Variants in USP12 observed in about 807,000 individuals in gnomAD.
USP12 encodes ubiquitin specific peptidase 12, also known as ubiquitin carboxyl-terminal hydrolase 12.
In USP12, 19 loss-of-function variants were observed where a neutral mutation model predicts 45.5. That is an observed-to-expected ratio of 0.42 (90% CI 0.29 to 0.61). USP12 has a LOEUF of 0.61. USP12 is among the 20% of genes least tolerant of loss of function. USP12 has a pLI of 0.22. For synonymous variants in USP12, 149 were observed against 148.8 expected (o/e 1.00, Z -0.01); for missense variants, 242 against 447.7 (o/e 0.54, Z 4.15).
chr13:27,112,691 TGA>T (rs1306723742), intron 2 of USP12, among the ~76,000 whole-genome samples: 3 of 152,098 alleles, frequency 2.0e-5, no homozygotes, highest in African/African-American at 7.2e-5. Context: ...CAGAAACAAA[TGA>T]GAGAGATGAT....
At chr13:27,082,300 A>G (rs919205613) in intron 6 of USP12, among the ~76,000 whole-genome samples, 1 of 152,220 alleles carries the variant, frequency 6.6e-6, no homozygotes, top group African/African-American at 2.4e-5. Flanking sequence ...TTCTTTCCTT[A>G]AAACCTCATG....
At chr13:27,089,765 G>T in intron 6 of USP12, 118 bp downstream of exon 6, 1 of 908,780 alleles carries the variant, frequency 1.1e-6, no homozygotes, top group Non-Finnish European at 1.7e-6. Context: ...AACTGTTAGT[G>T]ATAGAATTAA....
intron 3 of USP12, 59 bp from the exon 4 acceptor site, chr13:27,095,889 C>A (rs1415378881): frequency 4.7e-6 from 6 of 1,289,004 alleles, no homozygotes; most frequent in East Asian, 5.1e-5. Flanking sequence ...TCATAAAAAA[C>A]CAATTTATAA....
chr13:27,170,895 G>GCTCGT (rs757272234), intron 1 of USP12, among the ~76,000 whole-genome samples: 25 of 152,244 alleles, frequency 1.6e-4, no homozygotes, highest in Non-Finnish European at 2.9e-4. Flanking sequence ...GCCTCTCAGA[G>GCTCGT]GAGAAAATGG....
In USP12 at chr13:27,097,396, T is replaced by C. The variant is rs541314975; in HGVS notation, c.344-1566A>G. On this transcript the variant is annotated intron_variant, in intron 3 of 8. Coordinates refer to ENST00000282344, the MANE Select transcript of USP12 (RefSeq NM_182488.4). ...AGAAGAATCGCTTGAACCCGGGAGG[T>C]AGAGGTTGCAGTGAGCCGAGATTGC... Among the ~76,000 whole-genome samples the C allele has an allele frequency of 5.9e-5, 9 of 152,028 alleles. No individual in the cohort carries two copies. In the South Asian group the frequency reaches 1.7e-3, roughly 28 times the overall value.
chr13:27,100,527 T>C (rs769895042), intron 3 of USP12, among the ~76,000 whole-genome samples: 4 of 152,198 alleles, frequency 2.6e-5, no homozygotes, highest in Non-Finnish European at 5.9e-5. Context: ...CATCCACTGA[T>C]GGCCTGATTC....
At chr13:27,075,656 G>A (rs1284521202) in intron 6 of USP12, among the ~76,000 whole-genome samples, 2 of 152,154 alleles carry the variant, frequency 1.3e-5, no homozygotes, top group Non-Finnish European at 2.9e-5. Context: ...ATGGAATGGC[G>A]TTAGTCCTTG....
chr13:27,152,738 A>G (rs112544541), intron 1 of USP12, among the ~76,000 whole-genome samples: 6 of 151,598 alleles, frequency 4.0e-5, no homozygotes, highest in Admixed American at 3.3e-4. Flanking sequence ...GTCAGGAGAT[A>G]GAGACCATCC....
intron 1 of USP12, among the ~76,000 whole-genome samples, chr13:27,144,905 G>GA (rs1273602789): frequency 1.1e-3 from 162 of 145,916 alleles, no homozygotes; most frequent in East Asian, 1.6e-3. Context: ...ACCAAAAAAA[G>GA]AAAAAAAAAA....
chr13:27,118,078 G>T (rs186474003), intron 1 of USP12, among the ~76,000 whole-genome samples: 33 of 150,870 alleles, frequency 2.2e-4, no homozygotes, highest in African/African-American at 7.8e-4. Flanking sequence ...GAGCTGCAGA[G>T]ACAACATGCC....
intron 7 of USP12, among the ~76,000 whole-genome samples, chr13:27,072,180 C>G (rs67331574): frequency 0.081 from 12,318 of 151,704 alleles, 576 homozygotes; most frequent in Middle Eastern, 0.11. Context: ...AAGTCTATTT[C>G]TGTATTTATT....
intron 2 of USP12, among the ~76,000 whole-genome samples, chr13:27,109,912 C>A (rs369226169): frequency 0.015 from 1,622 of 108,174 alleles, 1 homozygote; most frequent in Middle Eastern, 0.02. Flanking sequence ...ACTCTGTCTC[C>A]AAAAAAAAAA....
chr13:27,157,434 A>G (rs1026317401), intron 1 of USP12, among the ~76,000 whole-genome samples: 4 of 152,150 alleles, frequency 2.6e-5, no homozygotes, highest in African/African-American at 9.7e-5. Context: ...ACTTTCCTTT[A>G]CCCGCTGTAT....
At chr13:27,112,765 G>A (rs999696841) in intron 2 of USP12, among the ~76,000 whole-genome samples, 3 of 152,146 alleles carry the variant, frequency 2.0e-5, no homozygotes. Context: ...TATACAGATA[G>A]AGTATAGGCA....
intron 1 of USP12, among the ~76,000 whole-genome samples, chr13:27,150,498 T>G (rs539633322): frequency 6.6e-6 from 1 of 152,268 alleles, no homozygotes; most frequent in South Asian, 2.1e-4. Flanking sequence ...ACTTTAACAC[T>G]TAAAATGGCA....
In USP12 at chr13:27,089,883, C is replaced by T. The variant is rs1282728335; in HGVS notation, c.734G>A (p.Arg245Gln). The change falls in exon 6 of 9, where the codon CGG (arginine) becomes CAG (glutamine). Residue 245 changes from arginine to glutamine, a missense_variant and splice_region_variant. Arg to Gln is a conservative substitution (Grantham distance 43, BLOSUM62 1). Around this residue, in one of 5 missense-constraint regions of USP12, gnomAD observed 94 missense variants for 168.3 expected, o/e 0.56. Coordinates refer to ENST00000282344, the MANE Select transcript of USP12 (RefSeq NM_182488.4). Reference sequence around the variant, plus strand: ...AAAATCCATAAAGCTCTAAAATTACCGTTTGTGTGCTTCCTGTTTGCTGCG... The same window carrying T: ...AAAATCCATAAAGCTCTAAAATTACTGTTTGTGTGCTTCCTGTTTGCTGCG... ...ECRSKQEAHKRMKVKKLPMIL... is the reference protein window; with the variant it reads ...ECRSKQEAHKQMKVKKLPMIL... 7.5e-6 allele frequency: 12 copies of T among 1,608,560 alleles called. No homozygotes were observed. Among genetic ancestry groups the T allele is most frequent in the East Asian group, 2.2e-5 (1 of 44,804 alleles).
intron 1 of USP12, chr13:27,170,285 G>A (rs1878530864): frequency 2.5e-6 from 1 of 398,356 alleles, no homozygotes; most frequent in East Asian, 3.6e-5. Context: ...GCGTGTAGTA[G>A]AGAATCTGCT....
intron 2 of USP12, among the ~76,000 whole-genome samples, chr13:27,107,897 G>C (rs1875221053): frequency 6.6e-6 from 1 of 151,988 alleles, no homozygotes; most frequent in Non-Finnish European, 1.5e-5. Flanking sequence ...GTGCTGGAGA[G>C]GATGTGGAGA....
intron 4 of USP12, among the ~76,000 whole-genome samples, chr13:27,093,646 T>C (rs915642237): frequency 2.0e-5 from 3 of 152,206 alleles, no homozygotes; most frequent in Non-Finnish European, 1.5e-5. Context: ...ACTCTTACCA[T>C]ACAATCCAGT....
Sources: allele counts gnomAD v4.1 joint callset (sites outside exome capture counted in the v4.1 genomes callset), GRCh38; gene constraint gnomAD v4.1.1; regional missense constraint gnomAD v4.1.1; transcripts MANE v1.5; gene names NCBI Gene and HGNC (gene_info 2026-07-23, HGNC 2026-07-21).